The following SLC24A2 variants were observed in gnomAD, a reference collection of about 807,000 sequenced individuals.
SLC24A2 encodes the protein sodium/potassium/calcium exchanger 2.
In SLC24A2, 36 loss-of-function variants were observed where a neutral mutation model predicts 62.0. The observed-to-expected ratio is 0.58, with a 90% CI of 0.44 to 0.77. The LOEUF (loss-of-function observed/expected upper bound fraction) is 0.77, where lower values mean the gene tolerates loss of function less well. SLC24A2 is among the 30% of genes least tolerant of loss of function. SLC24A2 has a pLI of 0.00. For synonymous variants in SLC24A2, 358 were observed against 294.0 expected (o/e 1.22, Z -2.23); for missense variants, 846 against 817.9 (o/e 1.03, Z -0.42).
the SLC24A2 span, among the ~76,000 whole-genome samples, chr9:20,057,676 T>C: frequency 1.3e-5 from 2 of 152,260 alleles, no homozygotes; most frequent in Non-Finnish European, 2.9e-5. Flanking sequence ...ATGTGCAATC[T>C]ATTATTACTA....
chr9:20,171,373 A>G, the SLC24A2 span, among the ~76,000 whole-genome samples: 1 of 152,056 alleles, frequency 6.6e-6, no homozygotes, highest in Admixed American at 6.6e-5. Flanking sequence ...TATAAATACT[A>G]AAGTTGAATG....
chr9:19,955,320 C>T, the SLC24A2 span, among the ~76,000 whole-genome samples: 58 of 149,714 alleles, frequency 3.9e-4, 1 homozygote, highest in South Asian at 0.012. Flanking sequence ...ATTTTGTTTA[C>T]AGGTAGTAAA....
Position 19,511,377 on chromosome 9 carries a change from G to A in SLC24A2, c.*4776C>T, listed in dbSNP as rs534005343. On this transcript the variant is annotated 3_prime_UTR_variant, in exon 11 of 11. Transcript: ENST00000341998. ...CTTTTCTTACCCAAGGTCTTCCTGA[G>A]ATTATTTTTTAAAAAAATCTAAAAC... The A allele has an allele frequency of 6.6e-6, 1 of 152,136 alleles. No individual in the cohort carries two copies. Among genetic ancestry groups the A allele is most frequent in the Admixed American group, 6.5e-5 (1 of 15,272 alleles). The allele number at this position is 152,136 out of a possible 1,614,324, so 9.4% of individuals were successfully genotyped here.
At chr9:20,259,979 G>A in the SLC24A2 span, among the ~76,000 whole-genome samples, 1 of 152,132 alleles carries the variant, frequency 6.6e-6, no homozygotes, top group African/African-American at 2.4e-5. Flanking sequence ...AGCTACCCAG[G>A]AGGCTGAGGT....
the SLC24A2 span, among the ~76,000 whole-genome samples, chr9:19,850,424 G>A: frequency 6.6e-6 from 1 of 152,056 alleles, no homozygotes; most frequent in Admixed American, 6.6e-5. Context: ...TATGAGCAAT[G>A]CTATCTCCTC....
chr9:20,217,935 C>T, the SLC24A2 span, among the ~76,000 whole-genome samples: 835 of 152,206 alleles, frequency 5.5e-3, 18 homozygotes, highest in East Asian at 0.046. Flanking sequence ...CAGTTATATG[C>T]GTTTTCCAAT....
chr9:20,085,414 TG>T, the SLC24A2 span, among the ~76,000 whole-genome samples: 1 of 152,230 alleles, frequency 6.6e-6, no homozygotes, highest in African/African-American at 2.4e-5. Flanking sequence ...AAGGTTTTGA[TG>T]GGGGATGTAA....
chr9:19,989,476 C>T, the SLC24A2 span, among the ~76,000 whole-genome samples: 2 of 152,152 alleles, frequency 1.3e-5, no homozygotes, highest in African/African-American at 4.8e-5. Flanking sequence ...GTTATGACAC[C>T]TAGTCCAGTC....
chr9:19,573,352 T>C lies in SLC24A2; in HGVS notation c.1346A>G (p.Gln449Arg), dbSNP rs1305203019. Reference protein sequence around the residue: ...LSHNIEGAEAQTADEEEDQPL... With the variant: ...LSHNIEGAEARTADEEEDQPL... ...AAGAGCAATGGAGAAAAGCCATACC[T>C]GGGCTTCTGCACCTTCAATGTTGTG... The change falls in exon 7 of 11, where the codon CAG becomes CGG. Residue 449 changes from glutamine to arginine, a missense_variant and splice_region_variant. Coordinates refer to ENST00000341998, the MANE Select transcript of SLC24A2 (RefSeq NM_020344.4). The C allele has an allele frequency of 6.3e-7, 1 of 1,596,506 alleles. No homozygotes were observed. The highest frequency in any genetic ancestry group is 1.1e-5 in the South Asian group (1 of 90,752).
chr9:20,081,579 T>C, the SLC24A2 span, among the ~76,000 whole-genome samples: 1 of 151,932 alleles, frequency 6.6e-6, no homozygotes, highest in Admixed American at 6.6e-5. Context: ...TGTATACATA[T>C]GTAACAAACC....
At chr9:19,532,779 T>G (rs1215054446) in intron 8 of SLC24A2, among the ~76,000 whole-genome samples, 1 of 152,218 alleles carries the variant, frequency 6.6e-6, no homozygotes, top group Admixed American at 6.5e-5. Flanking sequence ...AATAGATACT[T>G]GATGAATCAA....
At chr9:19,592,760 G>C (rs1836596060) in intron 5 of SLC24A2, among the ~76,000 whole-genome samples, 1 of 152,138 alleles carries the variant, frequency 6.6e-6, no homozygotes, top group South Asian at 2.1e-4. Flanking sequence ...ATTTTCTAGA[G>C]TAAGAATGGT....
the SLC24A2 span, among the ~76,000 whole-genome samples, chr9:20,176,264 G>C: frequency 2.0e-5 from 3 of 151,984 alleles, no homozygotes; most frequent in Non-Finnish European, 4.4e-5. Context: ...CCATTTCTGA[G>C]TATAATATCT....
the SLC24A2 span, among the ~76,000 whole-genome samples, chr9:20,163,253 T>A: frequency 6.6e-6 from 1 of 152,138 alleles, no homozygotes; most frequent in African/African-American, 2.4e-5. Context: ...GTCCAAAATC[T>A]CCTTAAGCTG....
the SLC24A2 span, among the ~76,000 whole-genome samples, chr9:20,296,945 T>C: frequency 1.3e-5 from 2 of 152,240 alleles, no homozygotes; most frequent in Admixed American, 1.3e-4. Flanking sequence ...TATGCTGTCA[T>C]TCTTTTATGC....
At chr9:20,167,808 T>A in the SLC24A2 span, among the ~76,000 whole-genome samples, 1 of 151,850 alleles carries the variant, frequency 6.6e-6, no homozygotes, top group South Asian at 2.1e-4. Context: ...CAGTCTCAAA[T>A]TTTTGGCCTC....
rs1818209640 is a variant in SLC24A2 at position 19,632,689 on chromosome 9, G to A, written c.931-10390C>T. Among the ~76,000 whole-genome samples the A allele has an allele frequency of 6.6e-6, 1 of 152,124 alleles. No homozygotes were observed. The highest frequency in any genetic ancestry group is 2.1e-4 in the South Asian group (1 of 4,820). The stretch of plus-strand genomic sequence containing the variant: ...ACAAATAGTTGCAAAAATATGTATA[G>A]GGTGGTCCCATGCGCCCTTTACCCA... On this transcript the variant is annotated intron_variant, in intron 2 of 10. Coordinates refer to ENST00000341998, the MANE Select transcript of SLC24A2 (RefSeq NM_020344.4). The surrounding 1 kb of genome is among the most constrained non-coding windows in gnomAD (Gnocchi z 4.5).
At chr9:19,683,942 G>C (rs1054530339) in intron 2 of SLC24A2, among the ~76,000 whole-genome samples, 1 of 152,012 alleles carries the variant, frequency 6.6e-6, no homozygotes, top group South Asian at 2.1e-4. Context: ...CTCCCCTCCT[G>C]GGGAGTAGCC....
In SLC24A2 at chr9:19,507,847, G is replaced by GAAC. The variant is rs2132593664; in HGVS notation, c.*8303_*8305dup. ...TACAATGCTCCTTTAAAACGGAGGC[G>GAAC]AACAAAGGAAGCATGAGACCACGTC... On this transcript the variant is annotated 3_prime_UTR_variant, in exon 11 of 11. Coordinates refer to ENST00000341998, the MANE Select transcript of SLC24A2 (RefSeq NM_020344.4). 6.6e-6 allele frequency: 1 copy of GAAC among 152,256 alleles called. No individual in the cohort carries two copies. The highest frequency in any genetic ancestry group is 1.5e-5 in the Non-Finnish European group (1 of 68,020). 9.4% of individuals were successfully genotyped at this position (152,256 alleles called of 1,614,324 possible).
Sources: allele counts gnomAD v4.1 joint callset (sites outside exome capture counted in the v4.1 genomes callset), GRCh38; gene constraint gnomAD v4.1.1; non-coding constraint Gnocchi (gnomAD v3.1); transcripts MANE v1.5; gene names NCBI Gene and HGNC (gene_info 2026-07-23, HGNC 2026-07-21).